Variants in RASSF3 observed in about 807,000 individuals in gnomAD.
The protein encoded by RASSF3 is ras association domain-containing protein 3.
A neutral mutation model predicts 19.9 loss-of-function variants in RASSF3; 19 were observed. The observed-to-expected ratio is 0.96, with a 90% CI of 0.67 to 1.40. RASSF3 has a LOEUF of 1.40. Among genes scored for constraint, RASSF3 ranks in the 40% most tolerant of loss-of-function variants. The probability of loss-of-function intolerance (pLI) is 0.00; values close to 1 mark genes in which losing one functional copy is unlikely to be tolerated. For synonymous variants in RASSF3, 110 were observed against 104.2 expected (o/e 1.06, Z -0.34); for missense variants, 306 against 289.8 (o/e 1.06, Z -0.41).
intron 2 of RASSF3, among the ~76,000 whole-genome samples, chr12:64,588,923 T>C (rs966908636): frequency 6.6e-6 from 1 of 152,190 alleles, no homozygotes; most frequent in Admixed American, 6.6e-5. Flanking sequence ...TTGAATCTTT[T>C]TAACGGAGTC....
intron 1 of RASSF3, among the ~76,000 whole-genome samples, chr12:64,647,666 C>T (rs1433389567): frequency 6.6e-6 from 1 of 152,042 alleles, no homozygotes; most frequent in African/African-American, 2.4e-5. Context: ...CCACCTCGGC[C>T]TCCCAAAGTG....
chr12:64,660,062 A>ATATG (rs137981564), intron 1 of RASSF3, among the ~76,000 whole-genome samples: 52,030 of 149,330 alleles, frequency 0.35, 9,900 homozygotes, highest in Non-Finnish European at 0.44. Context: ...GTATATATAT[A>ATATG]TGTGTGTGTG....
chr12:64,540,526 A>G (rs1225086228), intron 1 of RASSF3, among the ~76,000 whole-genome samples: 1 of 152,248 alleles, frequency 6.6e-6, no homozygotes, highest in Non-Finnish European at 1.5e-5. Flanking sequence ...ACAGCCAAAG[A>G]GGGGAAACAG....
chr12:64,540,366 A>T (rs1163035122), intron 1 of RASSF3, among the ~76,000 whole-genome samples: 1 of 152,206 alleles, frequency 6.6e-6, no homozygotes, highest in Admixed American at 6.5e-5. Context: ...AAAAATACTT[A>T]CTTTGGAAAC....
intron 1 of RASSF3, among the ~76,000 whole-genome samples, chr12:64,634,635 C>T (rs1871270121): frequency 6.6e-6 from 1 of 151,926 alleles, no homozygotes; most frequent in Non-Finnish European, 1.5e-5. Flanking sequence ...GTGACAGGCA[C>T]CTGTATTCTC....
chr12:64,608,871 G>A (rs1870242033), upstream of RASSF3, among the ~76,000 whole-genome samples: 1 of 152,162 alleles, frequency 6.6e-6, no homozygotes, highest in Admixed American at 6.5e-5. Flanking sequence ...GCTTAAGCTG[G>A]GTGAAACTAT....
intron 1 of RASSF3, among the ~76,000 whole-genome samples, chr12:64,660,886 C>T (rs987362897): frequency 4.6e-5 from 7 of 152,116 alleles, no homozygotes; most frequent in African/African-American, 1.7e-4. Context: ...TCACATGGCC[C>T]TCTCTCCCCA....
At chr12:64,630,004 A>C (rs1871124301) in intron 1 of RASSF3, 1 of 151,998 alleles carries the variant, frequency 6.6e-6, no homozygotes, top group African/African-American at 2.4e-5. Context: ...ACAAGAAAGA[A>C]AAATGGTTTA....
chr12:64,693,611 G>T (rs1189420736), intron 4 of RASSF3, among the ~76,000 whole-genome samples: 2 of 152,044 alleles, frequency 1.3e-5, no homozygotes, highest in African/African-American at 2.4e-5. Context: ...TAGCGACCTG[G>T]TGTCACTATT....
intron 2 of RASSF3, among the ~76,000 whole-genome samples, chr12:64,565,265 A>G (rs1483761002): frequency 2.6e-5 from 4 of 151,900 alleles, no homozygotes; most frequent in Admixed American, 6.6e-5. Flanking sequence ...TTTTTGCACC[A>G]ATTACTGATA....
At chr12:64,549,418 ATGTT>A (rs1226847797) in intron 2 of RASSF3, among the ~76,000 whole-genome samples, 4 of 152,156 alleles carry the variant, frequency 2.6e-5, no homozygotes, top group Non-Finnish European at 4.4e-5. Flanking sequence ...CCTTTGTTGT[ATGTT>A]TGTTTCCTTT....
chr12:64,673,575 A>C (rs1872775262), intron 1 of RASSF3, among the ~76,000 whole-genome samples: 1 of 152,134 alleles, frequency 6.6e-6, no homozygotes, highest in Non-Finnish European at 1.5e-5. Context: ...GACCCCACAG[A>C]GATCTCCGAG....
chr12:64,634,441 T>C (rs983780400), intron 1 of RASSF3, among the ~76,000 whole-genome samples: 1 of 152,026 alleles, frequency 6.6e-6, no homozygotes, highest in Non-Finnish European at 1.5e-5. Flanking sequence ...TGGGATTACA[T>C]GTGTGAGCCA....
Position 64,610,627 on chromosome 12 carries a change from G to C in RASSF3, c.-6G>C, listed in dbSNP as rs1278910209. The C allele has an allele frequency of 1.3e-6, 2 of 1,529,060 alleles. No individual in the cohort carries two copies. The highest frequency in any genetic ancestry group is 1.8e-6 in the Non-Finnish European group (2 of 1,138,028). The allele number at this position is 1,529,060 out of a possible 1,614,324, so 94.7% of individuals were successfully genotyped here. On this transcript the variant is annotated 5_prime_UTR_variant, in exon 1 of 5. Coordinates refer to ENST00000542104, the MANE Select transcript of RASSF3 (RefSeq NM_178169.4). The stretch of plus-strand genomic sequence containing the variant: ...GAGGCCGCCCGCGCGCGACGGGACC[G>C]GCAGCATGAGCAGCGGCTACAGCAG...
exon 1 of RASSF3, chr12:64,507,019 A>T: frequency 2.5e-6 from 1 of 395,746 alleles, no homozygotes; most frequent in Non-Finnish European, 4.4e-6. Context: ...GTTTCTAGTT[A>T]TGAGGGCCAA....
At chr12:64,684,581 G>A (rs763948310) in intron 1 of RASSF3, among the ~76,000 whole-genome samples, 9 of 151,838 alleles carry the variant, frequency 5.9e-5, no homozygotes, top group Admixed American at 2.0e-4. Flanking sequence ...ACAAGCGTGC[G>A]CCACCATGCC....
chr12:64,559,345 G>A (rs1869309002), intron 2 of RASSF3, among the ~76,000 whole-genome samples: 1 of 151,012 alleles, frequency 6.6e-6, no homozygotes, highest in Non-Finnish European at 1.5e-5. Context: ...CCGGGTTCAT[G>A]CCATTCTCCT....
intron 2 of RASSF3, among the ~76,000 whole-genome samples, chr12:64,587,903 C>T (rs1869842242): frequency 1.3e-5 from 2 of 152,180 alleles, no homozygotes; most frequent in South Asian, 4.1e-4. Context: ...TTGGTAGTTC[C>T]ATGGTATTAA....
At chr12:64,509,741 T>A (rs1868316678) in intron 1 of RASSF3, among the ~76,000 whole-genome samples, 1 of 152,176 alleles carries the variant, frequency 6.6e-6, no homozygotes, top group Non-Finnish European at 1.5e-5. Flanking sequence ...GTTTGGAGAT[T>A]GATAGCCTGA....
Sources: gnomAD v4.1 joint callset for allele counts (sites outside exome capture counted in the v4.1 genomes callset) on GRCh38, gnomAD v4.1.1 for gene constraint, MANE v1.5 for transcripts, NCBI Gene and HGNC (gene_info 2026-07-23, HGNC 2026-07-21) for gene names.